DIAPH2: variants seen among roughly 807,000 people sequenced by gnomAD.
DIAPH2 encodes diaphanous related formin 2.
A neutral mutation model predicts 92.7 loss-of-function variants in DIAPH2; 35 were observed. That is an observed-to-expected ratio of 0.38 (90% confidence interval 0.29 to 0.50). The LOEUF (loss-of-function observed/expected upper bound fraction) is 0.50. Among genes scored for constraint, DIAPH2 ranks in the 20% least tolerant of loss-of-function variants. The probability of loss-of-function intolerance (pLI) is 0.94; values close to 1 mark genes in which losing one functional copy is unlikely to be tolerated. For missense variants in DIAPH2, 701 were observed against 819.5 expected (o/e 0.86, Z 1.77); for synonymous variants, 301 against 280.4 (o/e 1.07, Z -0.73).
At chrX:97,020,666 C>A (rs1384212702) in intron 17 of DIAPH2, among the ~76,000 whole-genome samples, 1 of 111,556 alleles carries the variant, frequency 9.0e-6, no homozygotes, top group African/African-American at 3.3e-5. Flanking sequence ...GATTTGATAA[C>A]CAAGACAACT....
chrX:96,966,648 G>C (rs1263018187), intron 17 of DIAPH2, among the ~76,000 whole-genome samples: 1 of 111,656 alleles, frequency 9.0e-6, no homozygotes, highest in Non-Finnish European at 1.9e-5. Context: ...ATAGAATTTT[G>C]TGTATGGGCC....
intron 23 of DIAPH2, among the ~76,000 whole-genome samples, chrX:97,261,859 A>G (rs1420503293): frequency 1.8e-5 from 2 of 111,571 alleles, no homozygotes; most frequent in Non-Finnish European, 3.8e-5. Flanking sequence ...TATATTGCCA[A>G]AGCTAGGTAG....
At chrX:96,850,005 G>C (rs2064997322) in intron 4 of DIAPH2, among the ~76,000 whole-genome samples, 1 of 110,153 alleles carries the variant, frequency 9.1e-6, no homozygotes, top group South Asian at 3.9e-4. Context: ...TATGACATCT[G>C]TTCATTTTTT....
chrX:97,539,288 A>G (rs2071121369), intron 26 of DIAPH2, among the ~76,000 whole-genome samples: 1 of 111,539 alleles, frequency 9.0e-6, no homozygotes, highest in Admixed American at 9.5e-5. Flanking sequence ...AATTATGATT[A>G]GAGTAGATCT....
At chrX:96,970,131 G>A (rs1373110333) in intron 17 of DIAPH2, among the ~76,000 whole-genome samples, 1 of 111,790 alleles carries the variant, frequency 8.9e-6, no homozygotes, top group Non-Finnish European at 1.9e-5. Flanking sequence ...GTATTTTGTT[G>A]AGAATTTTTG....
intron 22 of DIAPH2, among the ~76,000 whole-genome samples, chrX:97,170,598 A>G (rs1054551428): frequency 9.0e-6 from 1 of 111,633 alleles, no homozygotes; most frequent in Non-Finnish European, 1.9e-5. Context: ...ATTGGTAATA[A>G]GAAGTATTTT....
chrX:96,729,739 C>G (rs1187114587), intron 1 of DIAPH2, among the ~76,000 whole-genome samples: 1 of 111,719 alleles, frequency 9.0e-6, no homozygotes, highest in Non-Finnish European at 1.9e-5. Context: ...GGATTTTTTT[C>G]TTGTCATAAA....
chrX:97,494,166 A>G (rs2070743381), intron 26 of DIAPH2, among the ~76,000 whole-genome samples: 1 of 106,228 alleles, frequency 9.4e-6, no homozygotes. Context: ...CACACACAGA[A>G]AAATTAGCCG....
intron 23 of DIAPH2, among the ~76,000 whole-genome samples, chrX:97,323,539 C>T (rs1262773127): frequency 2.1e-5 from 2 of 95,072 alleles, no homozygotes; most frequent in Non-Finnish European, 4.1e-5. Context: ...TGCAGTGAGC[C>T]GAGATCGCAC....
chrX:97,590,891 T>A (rs552794431), intron 26 of DIAPH2, among the ~76,000 whole-genome samples: 2 of 112,106 alleles, frequency 1.8e-5, no homozygotes, highest in Non-Finnish European at 3.8e-5. Flanking sequence ...ACTGTTTTTT[T>A]AAAAAAATAG....
intron 26 of DIAPH2, among the ~76,000 whole-genome samples, chrX:97,448,671 A>G (rs1170411680): frequency 1.8e-5 from 2 of 112,294 alleles, no homozygotes; most frequent in Non-Finnish European, 3.8e-5. Flanking sequence ...ATCATTAACA[A>G]TTTTTGTGGT....
rs745568475 is a variant in DIAPH2, at chrX:97,479,943, GA to G, written c.3241+50206del. Reference sequence around the variant, plus strand: ...TATATGAACTTGCTTATTTCAAAAGGAAAAAAAATTCTGGGAAATGAATCAT... The same window carrying G: ...TATATGAACTTGCTTATTTCAAAAGGAAAAAAATTCTGGGAAATGAATCAT... On this transcript the variant is annotated intron_variant, in intron 26 of 26. Transcript: ENST00000324765. 2.7e-3 allele frequency among the ~76,000 whole-genome samples: 303 copies of G among 110,997 alleles called. 1 individual carries two copies. The highest frequency in any genetic ancestry group is 9.2e-3 in the African/African-American group (281 of 30,621).
chrX:97,241,559 A>G (rs2147541172), intron 22 of DIAPH2, among the ~76,000 whole-genome samples: 1 of 110,872 alleles, frequency 9.0e-6, no homozygotes. Flanking sequence ...CAGCCTCCCA[A>G]AGTGCTGGGA....
At chrX:97,237,655 C>T (rs1285325647) in intron 22 of DIAPH2, among the ~76,000 whole-genome samples, 1 of 110,120 alleles carries the variant, frequency 9.1e-6, no homozygotes, top group African/African-American at 3.3e-5. Context: ...CATCTTGGCT[C>T]ACTGCAAGCT....
intron 4 of DIAPH2, among the ~76,000 whole-genome samples, chrX:96,779,501 A>G (rs1038732537): frequency 2.7e-5 from 3 of 112,160 alleles, no homozygotes; most frequent in African/African-American, 9.7e-5. Context: ...TATTCACTGC[A>G]TTTGTTATAT....
chrX:96,778,496 G>C (rs189483375), intron 4 of DIAPH2, among the ~76,000 whole-genome samples: 1 of 109,485 alleles, frequency 9.1e-6, no homozygotes, highest in African/African-American at 3.3e-5. Flanking sequence ...TCTCTCTTAC[G>C]AACAGGGACT....
chrX:97,140,808 T>C (rs1402032678), intron 21 of DIAPH2, among the ~76,000 whole-genome samples: 1 of 111,720 alleles, frequency 9.0e-6, no homozygotes, highest in Non-Finnish European at 1.9e-5. Flanking sequence ...AACAGAGTAA[T>C]CCTTAAAGCT....
At chrX:97,232,479 G>A (rs758471609) in intron 22 of DIAPH2, among the ~76,000 whole-genome samples, 2 of 111,497 alleles carry the variant, frequency 1.8e-5, no homozygotes, top group Non-Finnish European at 3.8e-5. Context: ...TGCCTGCCTT[G>A]GCTTCCCAAA....
At chrX:97,597,284 T>A (rs2071558804) in intron 26 of DIAPH2, among the ~76,000 whole-genome samples, 2 of 112,439 alleles carry the variant, frequency 1.8e-5, no homozygotes, top group Non-Finnish European at 3.8e-5. Context: ...ACTCAATGTT[T>A]ATCCTGCCTT....
Sources: gnomAD v4.1 joint callset for allele counts (sites outside exome capture counted in the v4.1 genomes callset) on GRCh38, gnomAD v4.1.1 for gene constraint, MANE v1.5 for transcripts, NCBI Gene and HGNC (gene_info 2026-07-23, HGNC 2026-07-21) for gene names.